The following ADAMTS12 variants were observed in gnomAD, a reference collection of about 807,000 sequenced individuals.
ADAMTS12 encodes ADAM metallopeptidase with thrombospondin type 1 motif 12.
Under a neutral mutation model 167.8 loss-of-function variants are expected in ADAMTS12, and 118 were observed. That is an observed-to-expected ratio of 0.70 (90% CI 0.61 to 0.82). ADAMTS12 has a LOEUF of 0.82. ADAMTS12 is among the 40% of genes least tolerant of loss of function. The pLI, the probability that ADAMTS12 is intolerant of heterozygous loss-of-function variation, is 0.00. For synonymous variants in ADAMTS12, 704 were observed against 716.9 expected (o/e 0.98, Z 0.29); for missense variants, 1,916 against 1,998.8 (o/e 0.96, Z 0.79).
At chr5:33,651,956 C>T (rs1004829489) in intron 7 of ADAMTS12, among the ~76,000 whole-genome samples, 7 of 152,134 alleles carry the variant, frequency 4.6e-5, no homozygotes, top group East Asian at 1.9e-4. Flanking sequence ...TATGTTGCTG[C>T]GCAAGACATG....
rs187362059 is a variant in ADAMTS12 at position 33,630,997 on chromosome 5, C to T, written c.1889-84G>A. On this transcript the variant is annotated intron_variant, in intron 12 of 23. Transcript: ENST00000504830. ...CCAGGATTCCTCCGTACTTAGGACC[C>T]CCAAGTGTCATTTACTCTGGCAATC... 4.3e-5 allele frequency: 65 copies of T among 1,517,032 alleles called. No individual in the cohort carries two copies. In the Admixed American group the frequency reaches 1.1e-3, roughly 25 times the overall value. The allele number at this position is 1,517,032 out of a possible 1,614,324, so 94.0% of individuals were successfully genotyped here.
intron 20 of ADAMTS12, among the ~76,000 whole-genome samples, chr5:33,557,723 T>TCC (rs1205509697): frequency 1.3e-5 from 2 of 152,062 alleles, no homozygotes; most frequent in East Asian, 3.9e-4. Flanking sequence ...GGATCCCCAA[T>TCC]CCCCCAGTCT....
intron 20 of ADAMTS12, among the ~76,000 whole-genome samples, chr5:33,560,223 A>G (rs116243354): frequency 6.6e-6 from 1 of 152,328 alleles, no homozygotes; most frequent in Non-Finnish European, 1.5e-5. Flanking sequence ...ACTTTTGTGT[A>G]ACTTGAAGTT....
At chr5:33,795,108 G>A (rs960480172) in intron 2 of ADAMTS12, among the ~76,000 whole-genome samples, 1 of 152,240 alleles carries the variant, frequency 6.6e-6, no homozygotes, top group Non-Finnish European at 1.5e-5. Flanking sequence ...ATGCATAGCA[G>A]AGGAAAGCTG....
chr5:33,713,447 T>C (rs1743481612), intron 3 of ADAMTS12, among the ~76,000 whole-genome samples: 1 of 152,116 alleles, frequency 6.6e-6, no homozygotes, highest in Non-Finnish European at 1.5e-5. Flanking sequence ...ATTTAAAAGC[T>C]AGAACAACCT....
At chr5:33,581,817 G>A (rs926990517) in intron 18 of ADAMTS12, among the ~76,000 whole-genome samples, 1 of 152,100 alleles carries the variant, frequency 6.6e-6, no homozygotes, top group East Asian at 1.9e-4. Context: ...ATTAGGGTGG[G>A]CCCTAATGGT....
chr5:33,581,390 G>A (rs1333529056), intron 18 of ADAMTS12, among the ~76,000 whole-genome samples: 1 of 152,080 alleles, frequency 6.6e-6, no homozygotes, highest in African/African-American at 2.4e-5. Flanking sequence ...CCTCTTGTCG[G>A]GGAACCCACT....
intron 16 of ADAMTS12, among the ~76,000 whole-genome samples, chr5:33,601,290 A>T (rs1240532986): frequency 6.6e-6 from 1 of 152,124 alleles, no homozygotes; most frequent in Non-Finnish European, 1.5e-5. Flanking sequence ...ATGGCAAAAG[A>T]TTATAGTATA....
chr5:33,805,580 G>A (rs1747194236), intron 2 of ADAMTS12, among the ~76,000 whole-genome samples: 1 of 152,176 alleles, frequency 6.6e-6, no homozygotes, highest in African/African-American at 2.4e-5. Flanking sequence ...CCATCCTAAT[G>A]GAGTGAGGTC....
At chr5:33,826,891 C>A (rs1338768435) in intron 2 of ADAMTS12, among the ~76,000 whole-genome samples, 6 of 152,088 alleles carry the variant, frequency 3.9e-5, no homozygotes, top group Non-Finnish European at 7.4e-5. Flanking sequence ...CATTGCCAGG[C>A]ATTACGGGGA....
intron 2 of ADAMTS12, among the ~76,000 whole-genome samples, chr5:33,760,193 T>C (rs1177771391): frequency 6.6e-6 from 1 of 151,962 alleles, no homozygotes; most frequent in Non-Finnish European, 1.5e-5. Flanking sequence ...CCAAATGGCA[T>C]AGTATTAAGG....
intron 17 of ADAMTS12, among the ~76,000 whole-genome samples, chr5:33,589,881 T>G (rs773193472): frequency 2.9e-4 from 44 of 152,344 alleles, no homozygotes; most frequent in Non-Finnish European, 6.0e-4. Flanking sequence ...TTAGATTTAT[T>G]TATGTAGAAT....
At chr5:33,633,739 T>TGG (rs1200955564) in intron 12 of ADAMTS12, among the ~76,000 whole-genome samples, 1 of 152,090 alleles carries the variant, frequency 6.6e-6, no homozygotes, top group African/African-American at 2.4e-5. Flanking sequence ...TGGATGGTCT[T>TGG]AATTCTTGGG....
At chr5:33,633,551 A>C (rs1277188256) in intron 12 of ADAMTS12, among the ~76,000 whole-genome samples, 1 of 152,056 alleles carries the variant, frequency 6.6e-6, no homozygotes, top group African/African-American at 2.4e-5. Context: ...GTTTGAAAGC[A>C]GTCATCCTAA....
intron 13 of ADAMTS12, among the ~76,000 whole-genome samples, chr5:33,629,953 A>T (rs59892418): frequency 0.35 from 52,403 of 151,824 alleles, 10,173 homozygotes; most frequent in African/African-American, 0.54. Context: ...ATCTTTTGAC[A>T]ACCCCACCTA....
chr5:33,881,880 T>C (rs1224148696), intron 1 of ADAMTS12, among the ~76,000 whole-genome samples: 1 of 152,084 alleles, frequency 6.6e-6, no homozygotes, highest in Non-Finnish European at 1.5e-5. Flanking sequence ...AGCCACTAGC[T>C]TTTTAATTAC....
At chr5:33,724,644 C>A (rs946480892) in intron 3 of ADAMTS12, among the ~76,000 whole-genome samples, 1 of 151,850 alleles carries the variant, frequency 6.6e-6, no homozygotes, top group African/African-American at 2.4e-5. Flanking sequence ...CTCCGCCTCC[C>A]GGGTTCACGC....
chr5:33,705,633 G>C (rs1172762403), intron 3 of ADAMTS12, among the ~76,000 whole-genome samples: 4 of 151,978 alleles, frequency 2.6e-5, no homozygotes. Flanking sequence ...GCCAACGTGT[G>C]AAACCATCTC....
intron 5 of ADAMTS12, among the ~76,000 whole-genome samples, chr5:33,665,461 G>C (rs566335131): frequency 6.6e-6 from 1 of 151,990 alleles, no homozygotes; most frequent in African/African-American, 2.4e-5. Context: ...CCATTCCACC[G>C]TGTACACATA....
Sources: allele counts gnomAD v4.1 joint callset (sites outside exome capture counted in the v4.1 genomes callset), GRCh38; gene constraint gnomAD v4.1.1; transcripts MANE v1.5; gene names NCBI Gene and HGNC (gene_info 2026-07-23, HGNC 2026-07-21).